Variants in KIN observed in about 807,000 individuals in gnomAD.
KIN encodes Kin17 DNA and RNA binding protein.
KIN carries 47 observed loss-of-function variants against 63.0 expected under a neutral mutation model. The ratio of observed to expected loss-of-function variants is 0.75; its 90% CI spans 0.59 to 0.95. The LOEUF is 0.95. KIN is among the 40% of genes least tolerant of loss of function. The pLI, the probability that KIN is intolerant of heterozygous loss-of-function variation, is 0.00. For missense variants in KIN, 408 were observed against 460.9 expected (o/e 0.89, Z 1.05); for synonymous variants, 160 against 157.7 (o/e 1.01, Z -0.11).
At chr10:7,785,948 C>T (rs2131040029) in intron 1 of KIN, among the ~76,000 whole-genome samples, 1 of 152,158 alleles carries the variant, frequency 6.6e-6, no homozygotes, top group Admixed American at 6.5e-5. Context: ...GGCAGTTAAA[C>T]TATTTTGTGA....
intron 5 of KIN, among the ~76,000 whole-genome samples, chr10:7,777,714 A>G (rs1835807286): frequency 6.6e-6 from 1 of 152,184 alleles, no homozygotes; most frequent in African/African-American, 2.4e-5. Flanking sequence ...CCTGGCCAAC[A>G]TGGTGAAACC....
In KIN at chr10:7,762,523, T is replaced by A; in HGVS notation, c.952A>T (p.Met318Leu). The change falls in exon 11 of 13, where the codon ATG becomes TTG. Residue 318 changes from methionine to leucine, a missense_variant. Coordinates refer to ENST00000379562, the MANE Select transcript of KIN (RefSeq NM_012311.4). ...VIDKYTAVVKMIDSGDKLKLD... is the reference protein window; with the variant it reads ...VIDKYTAVVKLIDSGDKLKLD... ...TTCAGCTTGTCTCCAGAATCAATCATCTTCACAACAGCTGTATATTTGTCA... is the reference window on the plus strand; with the variant it reads ...TTCAGCTTGTCTCCAGAATCAATCAACTTCACAACAGCTGTATATTTGTCA... 1 of 1,610,818 alleles carries A rather than the reference T, an allele frequency of 6.2e-7. No homozygotes were observed. Among genetic ancestry groups the A allele is most frequent in the Admixed American group, 1.7e-5 (1 of 59,822 alleles).
intron 6 of KIN, among the ~76,000 whole-genome samples, chr10:7,775,105 G>C (rs1835742875): frequency 6.6e-6 from 1 of 152,156 alleles, no homozygotes; most frequent in South Asian, 2.1e-4. Flanking sequence ...TGTCACCGTG[G>C]CAGACCACAC....
At position 7,756,143 on chromosome 10, in the gene KIN, C is replaced by A; in HGVS notation, c.1120-1G>T. The A allele has an allele frequency of 6.5e-7, 1 of 1,543,830 alleles. No individual in the cohort carries two copies. Among genetic ancestry groups the A allele is most frequent in the South Asian group, 1.3e-5 (1 of 79,920 alleles). On this transcript the variant is annotated splice_acceptor_variant, in intron 12 of 12. Coordinates refer to ENST00000379562, the MANE Select transcript of KIN (RefSeq NM_012311.4). LOFTEE classifies it high-confidence loss of function. ...CAACTCTGCGTCCTTTTAAAGGGCC[C>A]TACAAATTAAAATAATTTAAAATAA...
At chr10:7,775,846 A>G in intron 5 of KIN, 47 bp from the exon 6 acceptor site, 1 of 1,170,536 alleles carries the variant, frequency 8.5e-7, no homozygotes, top group Non-Finnish European at 1.2e-6. Flanking sequence ...TGCACTTACT[A>G]TCACCATTCA....
intron 7 of KIN, among the ~76,000 whole-genome samples, chr10:7,772,145 A>G (rs1231285550): frequency 1.3e-5 from 2 of 152,184 alleles, no homozygotes; most frequent in Non-Finnish European, 2.9e-5. Context: ...ACAGGATCAC[A>G]AAAGTCACTT....
At chr10:7,759,864 T>G in intron 12 of KIN, 26 bp downstream of exon 12, 1 of 1,120,890 alleles carries the variant, frequency 8.9e-7, no homozygotes, top group Non-Finnish European at 1.3e-6. Context: ...ATTTTGAAAT[T>G]TCTGTCTTTG....
chr10:7,771,336 CAT>C (rs1835662170), intron 7 of KIN, among the ~76,000 whole-genome samples: 1 of 152,198 alleles, frequency 6.6e-6, no homozygotes, highest in Admixed American at 6.5e-5. Flanking sequence ...TTCCTCGTCT[CAT>C]GTTCACAAAC....
intron 1 of KIN, among the ~76,000 whole-genome samples, chr10:7,784,911 G>A (rs1037837979): frequency 6.6e-6 from 1 of 152,016 alleles, no homozygotes; most frequent in Non-Finnish European, 1.5e-5. Context: ...AAACATTATT[G>A]GCTTCCTTAT....
intron 1 of KIN, among the ~76,000 whole-genome samples, chr10:7,784,546 C>A (rs1835960748): frequency 6.6e-6 from 1 of 151,972 alleles, no homozygotes; most frequent in African/African-American, 2.4e-5. Context: ...TATGATCGAG[C>A]CACTGTACTC....
At chr10:7,785,409 G>C (rs1475608584) in intron 1 of KIN, among the ~76,000 whole-genome samples, 1 of 152,162 alleles carries the variant, frequency 6.6e-6, no homozygotes, top group African/African-American at 2.4e-5. Context: ...CTACGAGTTA[G>C]AAGGCAAAAG....
chr10:7,763,526 C>T (rs187068059), intron 10 of KIN, among the ~76,000 whole-genome samples, 197 bp downstream of exon 10: 20 of 152,254 alleles, frequency 1.3e-4, no homozygotes, highest in Middle Eastern at 3.4e-3. Context: ...AACAGATCAA[C>T]GCTGAGTAGA....
intron 2 of KIN, among the ~76,000 whole-genome samples, chr10:7,782,284 A>C (rs1204470928): frequency 6.6e-6 from 1 of 152,118 alleles, no homozygotes; most frequent in East Asian, 1.9e-4. Flanking sequence ...AAGAACAGCT[A>C]ATCTGAATTG....
intron 10 of KIN, 45 bp downstream of exon 10, chr10:7,763,677 AC>A: frequency 9.6e-7 from 1 of 1,044,996 alleles, no homozygotes. Flanking sequence ...TCACTCAGTG[AC>A]CCAAGCTTTT....
chr10:7,782,291 AT>A (rs1266569596), intron 2 of KIN, among the ~76,000 whole-genome samples: 1 of 152,150 alleles, frequency 6.6e-6, no homozygotes, highest in Non-Finnish European at 1.5e-5. Context: ...GCTAATCTGA[AT>A]TGAATATAGG....
chr10:7,776,576 C>A lies in KIN; in HGVS notation c.559-777G>T, dbSNP rs372979555. 8.7e-5 allele frequency among the ~76,000 whole-genome samples: 13 copies of A among 150,150 alleles called. No individual in the cohort carries two copies. The East Asian group carries it at 2.4e-3, about 27-fold the overall frequency. ...TGAAACCCCGTCTCTACTAAAAATA[C>A]AAAAATTAGCCCGGCATGGTGGCGG... On this transcript the variant is annotated intron_variant, in intron 5 of 12. Coordinates refer to ENST00000379562, the MANE Select transcript of KIN (RefSeq NM_012311.4).
At chr10:7,771,880 A>G (rs1835672717) in intron 7 of KIN, among the ~76,000 whole-genome samples, 1 of 146,422 alleles carries the variant, frequency 6.8e-6, no homozygotes, top group Non-Finnish European at 1.5e-5. Context: ...GGGCAACAAG[A>G]GCGAAATTCC....
At chr10:7,770,059 T>G (rs1477306250) in intron 7 of KIN, among the ~76,000 whole-genome samples, 1 of 152,130 alleles carries the variant, frequency 6.6e-6, no homozygotes, top group Non-Finnish European at 1.5e-5. Context: ...GCCTCCCAAG[T>G]AGCTGGGATT....
intron 11 of KIN, among the ~76,000 whole-genome samples, chr10:7,760,548 C>T (rs1835417977): frequency 6.6e-6 from 1 of 152,118 alleles, no homozygotes; most frequent in Admixed American, 6.5e-5. Flanking sequence ...GTACAGTAGT[C>T]CCCCCTTATC....
Sources: allele counts gnomAD v4.1 joint callset (sites outside exome capture counted in the v4.1 genomes callset), GRCh38; gene constraint gnomAD v4.1.1; transcripts MANE v1.5; gene names NCBI Gene and HGNC (gene_info 2026-07-23, HGNC 2026-07-21).